TSNARE1: variants seen among roughly 807,000 people sequenced by gnomAD.
The protein encoded by TSNARE1 is t-SNARE domain containing 1.
In TSNARE1, 49 loss-of-function variants were observed where a neutral mutation model predicts 62.0. That is an observed-to-expected ratio of 0.79 (90% CI 0.63 to 1.00). The LOEUF is 1.00. Ranked by LOEUF, TSNARE1 falls within the 50% of genes least tolerant of loss-of-function variation. TSNARE1 has a pLI of 0.00. For synonymous variants in TSNARE1, 328 were observed against 294.4 expected (o/e 1.11, Z -1.17); for missense variants, 755 against 700.1 (o/e 1.08, Z -0.88).
chr8:142,274,021 C>G (rs1820018932), intron 12 of TSNARE1: 1 of 985,228 alleles, frequency 1.0e-6, no homozygotes, highest in Non-Finnish European at 1.2e-6. Flanking sequence ...CTCTCCTGGC[C>G]CCAGCTGGCC....
chr8:142,345,146 T>C (rs58650040), intron 3 of TSNARE1, among the ~76,000 whole-genome samples: 2,142 of 152,344 alleles, frequency 0.014, 54 homozygotes, highest in South Asian at 0.076. Context: ...AGTCTCTGCG[T>C]CTTTGCTCAC....
intron 12 of TSNARE1, among the ~76,000 whole-genome samples, chr8:142,256,344 CAT>C (rs1563782737): frequency 2.7e-4 from 39 of 143,384 alleles, no homozygotes; most frequent in South Asian, 4.6e-4. Context: ...CCACCATCAT[CAT>C]CACCATCATT....
intron 6 of TSNARE1, among the ~76,000 whole-genome samples, chr8:142,325,209 G>A (rs560177759): frequency 8.2e-4 from 125 of 152,320 alleles, no homozygotes; most frequent in Middle Eastern, 3.4e-3. Flanking sequence ...GCCTGAGGCC[G>A]TGGGACTGGA....
At chr8:142,222,939 TTCAC>T (rs200765026) in intron 13 of TSNARE1, among the ~76,000 whole-genome samples, 1 of 110,908 alleles carries the variant, frequency 9.0e-6, no homozygotes, top group Admixed American at 8.4e-5. Context: ...CATCCACTCA[TTCAC>T]TCACTCATCC....
At position 142,284,398 on chromosome 8, in the gene TSNARE1, G is replaced by A. The variant is rs1239724794; in HGVS notation, c.1363+15C>T. ...TCGGGGCAGCAGGTGGCCCGAGGCT[G>A]GGGCGGGTACCCACCAACAGCTTCT... On this transcript the variant is annotated intron_variant, in intron 11 of 13. Coordinates refer to ENST00000524325, the MANE Select transcript of TSNARE1 (RefSeq NM_145003.5). 8 of 1,609,806 alleles carry A rather than the reference G, an allele frequency of 5.0e-6. No homozygotes were observed. The highest frequency in any genetic ancestry group is 6.8e-6 in the Non-Finnish European group (8 of 1,177,320).
chr8:142,354,929 A>AC (rs534007467), intron 1 of TSNARE1, among the ~76,000 whole-genome samples, 166 bp from the exon 2 acceptor site: 2 of 146,704 alleles, frequency 1.4e-5, no homozygotes, highest in East Asian at 4.2e-4. Context: ...CCAAACAGCA[A>AC]CCCCCCCACA....
chr8:142,307,746 G>C (rs952336765), intron 9 of TSNARE1, among the ~76,000 whole-genome samples: 1 of 152,118 alleles, frequency 6.6e-6, no homozygotes, highest in African/African-American at 2.4e-5. Flanking sequence ...ATGTCTGTTG[G>C]GCAGAACTGC....
At chr8:142,286,093 C>T (rs374766832) in intron 10 of TSNARE1, among the ~76,000 whole-genome samples, 116 of 152,350 alleles carry the variant, frequency 7.6e-4, no homozygotes, top group African/African-American at 2.7e-3. Flanking sequence ...GCACCTAGGA[C>T]GGCTCCTCCG....
At chr8:142,331,495 C>T (rs982695308) in intron 5 of TSNARE1, among the ~76,000 whole-genome samples, 10 of 152,198 alleles carry the variant, frequency 6.6e-5, no homozygotes, top group Non-Finnish European at 1.3e-4. Flanking sequence ...GAGCAGCCAG[C>T]GGGAGCGGTA....
chr8:142,304,682 T>C (rs1347621797), intron 9 of TSNARE1, among the ~76,000 whole-genome samples: 1 of 152,204 alleles, frequency 6.6e-6, no homozygotes, highest in African/African-American at 2.4e-5. Flanking sequence ...CACGTCCTAG[T>C]GTCGCCTGGA....
chr8:142,382,742 A>T (rs77210320), intron 1 of TSNARE1, among the ~76,000 whole-genome samples: 3,290 of 152,356 alleles, frequency 0.022, 58 homozygotes, highest in Non-Finnish European at 0.033. Context: ...CCAGCTTTCC[A>T]GGAGAGAAGG....
chr8:142,281,381 C>T (rs117980982), intron 11 of TSNARE1, among the ~76,000 whole-genome samples: 3,056 of 152,008 alleles, frequency 0.02, 38 homozygotes, highest in East Asian at 0.039. Context: ...CCAGTGGGAG[C>T]GGGAAAGACA....
At chr8:142,233,698 C>T (rs1422783816) in intron 12 of TSNARE1, among the ~76,000 whole-genome samples, 2 of 152,206 alleles carry the variant, frequency 1.3e-5, no homozygotes, top group African/African-American at 4.8e-5. Flanking sequence ...CCAGCGGGAA[C>T]CAGTGCCTAG....
chr8:142,302,021 G>A (rs961600385), intron 9 of TSNARE1, among the ~76,000 whole-genome samples: 1 of 152,176 alleles, frequency 6.6e-6, no homozygotes, highest in Non-Finnish European at 1.5e-5. Context: ...CTGATGCCAC[G>A]CCGGCCACTG....
chr8:142,215,100 C>T lies in TSNARE1; in HGVS notation c.*12-2787G>A, dbSNP rs542612975. ...CCTGTCCTGTCCATGGAGGTGTCCA[C>T]AGAGGTGTCCCCGGGCCCAGGCCAG... On this transcript the variant is annotated intron_variant, in intron 13 of 13. Coordinates refer to ENST00000524325, the MANE Select transcript of TSNARE1 (RefSeq NM_145003.5). Among the ~76,000 whole-genome samples the T allele has an allele frequency of 2.9e-4, 44 of 152,352 alleles. No homozygotes were observed. The South Asian group carries it at 8.9e-3, about 31-fold the overall frequency.
At chr8:142,228,811 G>A (rs2130059558) in intron 13 of TSNARE1, among the ~76,000 whole-genome samples, 1 of 152,350 alleles carries the variant, frequency 6.6e-6, no homozygotes, top group Non-Finnish European at 1.5e-5. Flanking sequence ...ATGGAAAGAT[G>A]GATGATGGGT....
chr8:142,306,954 G>A (rs1826795273), intron 9 of TSNARE1, among the ~76,000 whole-genome samples: 1 of 152,180 alleles, frequency 6.6e-6, no homozygotes, highest in Admixed American at 6.5e-5. Context: ...CCTCCCTCCA[G>A]CACCTGTCAT....
intron 12 of TSNARE1, 37 bp from the exon 13 acceptor site, chr8:142,229,616 C>G (rs752317422): frequency 1.9e-6 from 3 of 1,590,272 alleles, no homozygotes; most frequent in Non-Finnish European, 2.6e-6. Context: ...ATATCCTGGT[C>G]CTCCAACCTC....
intron 12 of TSNARE1, chr8:142,274,144 C>T (rs1481889783): frequency 2.0e-6 from 2 of 985,336 alleles, no homozygotes; most frequent in African/African-American, 3.5e-5. Flanking sequence ...CTGGTCATCT[C>T]TGCCCGTCAG....
Sources: gnomAD v4.1 joint callset for allele counts (sites outside exome capture counted in the v4.1 genomes callset) on GRCh38, gnomAD v4.1.1 for gene constraint, MANE v1.5 for transcripts, NCBI Gene and HGNC (gene_info 2026-07-23, HGNC 2026-07-21) for gene names.